The following WDR7 variants were observed in gnomAD, a reference collection of about 807,000 sequenced individuals.
WDR7 encodes WD repeat domain 7.
WDR7 carries 46 observed loss-of-function variants against 169.4 expected under a neutral mutation model. The observed-to-expected ratio is 0.27, with a 90% confidence interval of 0.21 to 0.35. The LOEUF (loss-of-function observed/expected upper bound fraction) is 0.35. Ranked by LOEUF, WDR7 falls within the 10% of genes least tolerant of loss-of-function variation. WDR7 has a pLI of 1.00. For synonymous variants in WDR7, 612 were observed against 666.8 expected (o/e 0.92, Z 1.27); for missense variants, 1,534 against 1,859.3 (o/e 0.83, Z 3.22).
intron 16 of WDR7, among the ~76,000 whole-genome samples, chr18:56,762,692 T>C (rs2043996624): frequency 6.6e-6 from 1 of 152,080 alleles, no homozygotes; most frequent in African/African-American, 2.4e-5. Flanking sequence ...TTAGTCATTT[T>C]AATGACCTCA....
intron 19 of WDR7, among the ~76,000 whole-genome samples, chr18:56,792,616 T>G (rs1433866003): frequency 6.6e-6 from 1 of 151,512 alleles, no homozygotes; most frequent in Non-Finnish European, 1.5e-5. Context: ...ATCTTTGTTT[T>G]TTTTTTTTTT....
chr18:57,035,914 A>G, the WDR7 span: 3 of 152,280 alleles, frequency 2.0e-5, no homozygotes, highest in African/African-American at 7.2e-5. Context: ...CAGCCATTCC[A>G]GTAAGAAGTC....
chr18:56,732,841 T>C (rs2026615986), intron 14 of WDR7, among the ~76,000 whole-genome samples: 1 of 152,232 alleles, frequency 6.6e-6, no homozygotes, highest in African/African-American at 2.4e-5. Flanking sequence ...TGACATGATA[T>C]GTAATTTGAT....
chr18:56,656,549 G>C (rs761197320), intron 1 of WDR7, among the ~76,000 whole-genome samples: 46 of 150,686 alleles, frequency 3.1e-4, no homozygotes, highest in Non-Finnish European at 6.3e-4. Flanking sequence ...CAAAGTGCTA[G>C]GATTATAGAT....
At chr18:56,694,009 A>G (rs368305799) in intron 9 of WDR7, among the ~76,000 whole-genome samples, 13 of 150,798 alleles carry the variant, frequency 8.6e-5, no homozygotes, top group African/African-American at 2.7e-4. Flanking sequence ...ACCTGGAGCT[A>G]TGAGCCTGTG....
At chr18:56,921,694 C>T (rs1030132220) in intron 21 of WDR7, among the ~76,000 whole-genome samples, 2 of 152,188 alleles carry the variant, frequency 1.3e-5, no homozygotes, top group Non-Finnish European at 2.9e-5. Context: ...GAACGCTTTT[C>T]TGTCATTTCA....
chr18:56,868,265 C>T (rs1013152741), intron 20 of WDR7, among the ~76,000 whole-genome samples: 4 of 151,838 alleles, frequency 2.6e-5, no homozygotes, highest in Admixed American at 2.0e-4. Flanking sequence ...TTTATTATTG[C>T]GATATAATTT....
Position 56,938,528 on chromosome 18 carries a change from T to C in WDR7, c.3832-5T>C. The C allele has an allele frequency of 6.2e-7, 1 of 1,613,410 alleles. No homozygotes were observed. Among genetic ancestry groups the C allele is most frequent in the Non-Finnish European group, 8.5e-7 (1 of 1,179,728 alleles). On this transcript the variant is annotated splice_polypyrimidine_tract_variant and splice_region_variant and intron_variant, in intron 23 of 27. Coordinates refer to ENST00000254442, the MANE Select transcript of WDR7 (RefSeq NM_015285.3). ...TCATATCTACAGCATAGAAATGTTT[T>C]GTAGGTACACAGACATACGGCTCTT...
At chr18:56,851,205 T>C (rs748702247) in intron 20 of WDR7, among the ~76,000 whole-genome samples, 11 of 152,194 alleles carry the variant, frequency 7.2e-5, no homozygotes, top group Non-Finnish European at 1.6e-4. Context: ...ACCTTCATGA[T>C]ATGACCCTCT....
chr18:56,734,524 GAA>G lies in WDR7; in HGVS notation c.1989+2943_1989+2944del, dbSNP rs111344360. Among the ~76,000 whole-genome samples, 378 of 76,146 alleles carry G rather than the reference GAA, an allele frequency of 5.0e-3. 2 individuals are homozygous for G. The East Asian group carries it at 0.059, about 12-fold the overall frequency. 50.0% of individuals were successfully genotyped at this position (76,146 alleles called of 152,430 possible). On this transcript the variant is annotated intron_variant, in intron 14 of 27. Coordinates refer to ENST00000254442, the MANE Select transcript of WDR7 (RefSeq NM_015285.3). ...CCCCCGGTTTAAAACCACTGCTTTT[GAA>G]AAAAAAAAAAAAAAAGCTTGAAATA... is the stretch of plus-strand genomic sequence containing the variant.
At chr18:56,964,209 CAAAAAA>C (rs370790953) in intron 26 of WDR7, among the ~76,000 whole-genome samples, 6 of 68,744 alleles carry the variant, frequency 8.7e-5, no homozygotes, top group African/African-American at 2.8e-4. Flanking sequence ...TGGTAACATG[CAAAAAA>C]AAAAAAAAAA....
intron 20 of WDR7, among the ~76,000 whole-genome samples, chr18:56,866,868 A>G (rs878957785): frequency 2.6e-5 from 4 of 152,174 alleles, no homozygotes; most frequent in Admixed American, 6.5e-5. Flanking sequence ...GAGCATTTCT[A>G]GCATAAAGAA....
intron 16 of WDR7, among the ~76,000 whole-genome samples, chr18:56,775,292 C>G (rs2044223859): frequency 6.6e-6 from 1 of 152,072 alleles, no homozygotes; most frequent in Non-Finnish European, 1.5e-5. Context: ...ACTGAAGCCA[C>G]CAGAGGAACA....
intron 20 of WDR7, among the ~76,000 whole-genome samples, chr18:56,844,043 A>G (rs1039140930): frequency 6.6e-6 from 1 of 151,676 alleles, no homozygotes; most frequent in African/African-American, 2.4e-5. Flanking sequence ...TTGTATTTTT[A>G]GTAGAGATGG....
chr18:56,994,223 C>T (rs1163507477), intron 26 of WDR7, among the ~76,000 whole-genome samples: 1 of 151,892 alleles, frequency 6.6e-6, no homozygotes, highest in East Asian at 1.9e-4. Flanking sequence ...GGGGTTTCTC[C>T]ATGTTGGCCA....
At chr18:56,842,104 A>T (rs2045495552) in intron 20 of WDR7, among the ~76,000 whole-genome samples, 1 of 152,132 alleles carries the variant, frequency 6.6e-6, no homozygotes, top group Non-Finnish European at 1.5e-5. Context: ...GCTAGTCATC[A>T]TCAACATATT....
At chr18:56,853,343 T>C (rs1410496479) in intron 20 of WDR7, among the ~76,000 whole-genome samples, 1 of 152,154 alleles carries the variant, frequency 6.6e-6, no homozygotes, top group East Asian at 1.9e-4. Flanking sequence ...ATAAACATTG[T>C]TCTTAACCTT....
rs1376102643 is a variant in WDR7 at position 56,935,680 on chromosome 18, G to A, written c.3714-108G>A. 5.1e-6 allele frequency: 5 copies of A among 986,248 alleles called. No homozygotes were observed. In the African/African-American group the frequency reaches 7.9e-5, roughly 16 times the overall value. The allele number at this position is 986,248 out of a possible 1,614,324, so 61.1% of individuals were successfully genotyped here. A position where few individuals can be genotyped will look rare whatever the true frequency, so the allele number is the denominator to read the frequency against. Reference sequence around the variant, plus strand: ...CAAGTCCATTATATTCTAACTGTTTGAGTGCTCCCATTGACCTTGAACTGA... The same window carrying A: ...CAAGTCCATTATATTCTAACTGTTTAAGTGCTCCCATTGACCTTGAACTGA... On this transcript the variant is annotated intron_variant, in intron 22 of 27. Coordinates refer to ENST00000254442, the MANE Select transcript of WDR7 (RefSeq NM_015285.3).
intron 20 of WDR7, among the ~76,000 whole-genome samples, chr18:56,825,932 A>G (rs2045194782): frequency 6.6e-6 from 1 of 152,228 alleles, no homozygotes; most frequent in Admixed American, 6.5e-5. Flanking sequence ...ACAGTATTAG[A>G]TCAGAAAGCC....
Sources: allele counts gnomAD v4.1 joint callset (sites outside exome capture counted in the v4.1 genomes callset), GRCh38; gene constraint gnomAD v4.1.1; transcripts MANE v1.5; gene names NCBI Gene and HGNC (gene_info 2026-07-23, HGNC 2026-07-21).